The following INPP4B variants were observed in gnomAD, a reference collection of about 807,000 sequenced individuals.
The protein encoded by INPP4B is inositol polyphosphate-4-phosphatase type II B.
A neutral mutation model predicts 122.5 loss-of-function variants in INPP4B; 55 were observed. The ratio of observed to expected loss-of-function variants is 0.45; its 90% confidence interval spans 0.36 to 0.56. INPP4B has a LOEUF of 0.56. Among genes scored for constraint, INPP4B ranks in the 20% least tolerant of loss-of-function variants. INPP4B has a pLI of 0.00. For synonymous variants in INPP4B, 403 were observed against 388.7 expected, an observed-to-expected ratio of 1.04 and a Z score of -0.43; for missense variants, 1,000 against 1,097.7, an observed-to-expected ratio of 0.91 and a Z score of 1.26.
chr4:142,762,321 A>AAC (rs1771463922), intron 1 of INPP4B, among the ~76,000 whole-genome samples: 1 of 151,994 alleles, frequency 6.6e-6, no homozygotes, highest in Non-Finnish European at 1.5e-5. Context: ...CCCCAACCCA[A>AAC]ACACACACAC....
At chr4:142,622,706 T>C (rs1580529411) in intron 2 of INPP4B, among the ~76,000 whole-genome samples, 1 of 151,918 alleles carries the variant, frequency 6.6e-6, no homozygotes, top group Admixed American at 6.6e-5. Flanking sequence ...GCACAACCAA[T>C]CATGGTCTCT....
chr4:142,510,805 G>A (rs1301830484), intron 2 of INPP4B, among the ~76,000 whole-genome samples: 1 of 152,146 alleles, frequency 6.6e-6, no homozygotes, highest in African/African-American at 2.4e-5. Context: ...ATTAGTGTAT[G>A]AGAAGTAAAA....
chr4:142,158,305 T>C (rs1363414562), intron 17 of INPP4B, among the ~76,000 whole-genome samples: 6 of 152,212 alleles, frequency 3.9e-5, no homozygotes, highest in South Asian at 4.1e-4. Context: ...TCTTGCTGTA[T>C]CCCATGTACA....
At chr4:142,705,458 A>AACACACACACACACACAC (rs56300337) in intron 2 of INPP4B, among the ~76,000 whole-genome samples, 10 of 146,206 alleles carry the variant, frequency 6.8e-5, no homozygotes, top group African/African-American at 2.1e-4. Flanking sequence ...TCCCACCCCA[A>AACACACACACACACACAC]ACACACACAC....
intron 2 of INPP4B, among the ~76,000 whole-genome samples, chr4:142,537,740 AGTGTGT>A (rs72363974): frequency 0.012 from 1,726 of 146,504 alleles, 10 homozygotes; most frequent in Non-Finnish European, 0.016. Context: ...TGTGTATATG[AGTGTGT>A]GTGTGTGTGT....
intron 2 of INPP4B, among the ~76,000 whole-genome samples, chr4:142,511,960 G>T (rs548287867): frequency 6.6e-6 from 1 of 151,958 alleles, no homozygotes; most frequent in Non-Finnish European, 1.5e-5. Flanking sequence ...TTTGAGATTT[G>T]TTTGATACAT....
At chr4:142,505,059 A>G (rs777174254) in intron 2 of INPP4B, among the ~76,000 whole-genome samples, 5 of 151,928 alleles carry the variant, frequency 3.3e-5, no homozygotes, top group Non-Finnish European at 7.4e-5. Flanking sequence ...ACATAGTGAG[A>G]CCCAATGTCT....
In INPP4B at chr4:142,220,177, C is replaced by G. The variant is rs571535162; in HGVS notation, c.837-11151G>C. 3.9e-5 allele frequency among the ~76,000 whole-genome samples: 6 copies of G among 152,184 alleles called. No homozygotes were observed. In the South Asian group the frequency reaches 1.2e-3, roughly 32 times the overall value. On this transcript the variant is annotated intron_variant, in intron 12 of 25. Transcript: ENST00000262992. Reference sequence around the variant, plus strand: ...GTACTCACTTCCTAGGAATTCAAATCCTGTTATCTTTTTTATTTAAATTCT... The same window carrying G: ...GTACTCACTTCCTAGGAATTCAAATGCTGTTATCTTTTTTATTTAAATTCT...
intron 18 of INPP4B, among the ~76,000 whole-genome samples, chr4:142,137,228 C>T (rs1270937990): frequency 6.6e-6 from 1 of 150,970 alleles, no homozygotes; most frequent in African/African-American, 2.4e-5. Context: ...AGAAATAACA[C>T]CGCATATCTA....
intron 2 of INPP4B, among the ~76,000 whole-genome samples, chr4:142,646,526 A>G (rs1035486576): frequency 6.6e-6 from 1 of 152,232 alleles, no homozygotes; most frequent in African/African-American, 2.4e-5. Flanking sequence ...TCCTAGCCAC[A>G]CTGGCAGTTG....
chr4:142,545,769 GTATA>G (rs763825574), intron 2 of INPP4B, among the ~76,000 whole-genome samples: 5,808 of 130,662 alleles, frequency 0.044, 224 homozygotes, highest in Non-Finnish European at 0.058. Context: ...GTATATGTGT[GTATA>G]TATATACACA....
At chr4:142,176,002 G>T (rs770556623) in intron 15 of INPP4B, among the ~76,000 whole-genome samples, 1 of 151,820 alleles carries the variant, frequency 6.6e-6, no homozygotes, top group Non-Finnish European at 1.5e-5. Context: ...ATCAGAGATC[G>T]CTTCCTGTGT....
At chr4:142,623,413 C>G (rs1445200034) in intron 2 of INPP4B, among the ~76,000 whole-genome samples, 1 of 151,856 alleles carries the variant, frequency 6.6e-6, no homozygotes, top group Non-Finnish European at 1.5e-5. Context: ...AAGCTGACAC[C>G]TTTTGGCAAT....
chr4:142,244,136 C>T (rs906549494), intron 11 of INPP4B, among the ~76,000 whole-genome samples: 5 of 151,634 alleles, frequency 3.3e-5, no homozygotes, highest in African/African-American at 7.3e-5. Flanking sequence ...TGTTCAACTC[C>T]CACTTACGAG....
At chr4:142,773,791 G>C (rs1773441522) in intron 1 of INPP4B, among the ~76,000 whole-genome samples, 1 of 152,162 alleles carries the variant, frequency 6.6e-6, no homozygotes. Flanking sequence ...TTATCAGAAG[G>C]GTGGTGACTA....
chr4:142,454,164 C>T (rs983335525), intron 3 of INPP4B, among the ~76,000 whole-genome samples: 1 of 152,028 alleles, frequency 6.6e-6, no homozygotes, highest in African/African-American at 2.4e-5. Context: ...AGATCACTAG[C>T]TTTTAGGATT....
intron 2 of INPP4B, among the ~76,000 whole-genome samples, chr4:142,676,393 A>C (rs1403081129): frequency 6.6e-6 from 1 of 152,176 alleles, no homozygotes; most frequent in Non-Finnish European, 1.5e-5. Flanking sequence ...AGGAAGAATC[A>C]ACATTAAAAT....
intron 7 of INPP4B, among the ~76,000 whole-genome samples, chr4:142,320,404 C>T (rs1769546722): frequency 6.6e-6 from 1 of 152,192 alleles, no homozygotes; most frequent in Non-Finnish European, 1.5e-5. Flanking sequence ...CTTAGAATTC[C>T]ACCTACCACA....
At chr4:142,466,750 C>A (rs897624523) in intron 2 of INPP4B, among the ~76,000 whole-genome samples, 148 of 152,122 alleles carry the variant, frequency 9.7e-4, no homozygotes, top group African/African-American at 3.4e-3. Flanking sequence ...CCATCATAGG[C>A]CCAGAGGCCT....
Sources: allele counts gnomAD v4.1 joint callset (sites outside exome capture counted in the v4.1 genomes callset), GRCh38; gene constraint gnomAD v4.1.1; transcripts MANE v1.5; gene names NCBI Gene and HGNC (gene_info 2026-07-23, HGNC 2026-07-21).